Variants in WDR19 observed in about 807,000 individuals in gnomAD.
The protein encoded by WDR19 is WD repeat domain 19, also known as WD repeat-containing protein 19.
A neutral mutation model predicts 180.0 loss-of-function variants in WDR19; 121 were observed. The observed-to-expected ratio is 0.67, with a 90% confidence interval of 0.58 to 0.78. WDR19 has a LOEUF of 0.78. Among genes scored for constraint, WDR19 ranks in the 30% least tolerant of loss-of-function variants. The pLI is 0.00. For missense variants in WDR19, 1,450 were observed against 1,640.7 expected (o/e 0.88, Z 2.01); for synonymous variants, 497 against 540.7 (o/e 0.92, Z 1.12).
rs1285295829 is a variant in WDR19, at chr4:39,285,526, C to CTGT, written c.*55_*57dup. 1 of 152,338 alleles carries CTGT rather than the reference C, an allele frequency of 6.6e-6. No homozygotes were observed. The highest frequency in any genetic ancestry group is 2.4e-5 in the African/African-American group (1 of 41,584). 9.4% of individuals were successfully genotyped at this position (152,338 alleles called of 1,614,324 possible). On this transcript the variant is annotated 3_prime_UTR_variant, in exon 37 of 37. Coordinates refer to ENST00000399820, the MANE Select transcript of WDR19 (RefSeq NM_025132.4). ...AGAAGACAGCATTTTCCACAGGAGG[C>CTGT]TGTTTCCTCCCCTGGTGGATTTAAG... is the stretch of plus-strand genomic sequence containing the variant.
chr4:39,234,677 G>A (rs1268747105), intron 19 of WDR19, 89 bp from the exon 20 acceptor site: 9 of 784,942 alleles, frequency 1.1e-5, no homozygotes, highest in South Asian at 3.0e-5. Context: ...AAAAGGTTTT[G>A]TAATTAGTTT....
chr4:39,201,510 A>G (rs963323817), intron 6 of WDR19, among the ~76,000 whole-genome samples: 7 of 152,238 alleles, frequency 4.6e-5, no homozygotes, highest in Non-Finnish European at 1.0e-4. Flanking sequence ...AGGAAAAACT[A>G]CAGCTTGTTC....
At chr4:39,194,708 A>C (rs1232219012) in intron 5 of WDR19, 49 bp downstream of exon 5, 1 of 1,403,378 alleles carries the variant, frequency 7.1e-7, no homozygotes, top group East Asian at 2.4e-5. Flanking sequence ...GCTCTACCTC[A>C]ATGTAAATTC....
At chr4:39,206,585 A>G (rs1727977122) in intron 9 of WDR19, among the ~76,000 whole-genome samples, 1 of 152,222 alleles carries the variant, frequency 6.6e-6, no homozygotes, top group African/African-American at 2.4e-5. Context: ...GGGATTGGAA[A>G]GTACTAGATT....
intron 5 of WDR19, among the ~76,000 whole-genome samples, chr4:39,196,894 G>A (rs560709880): frequency 3.3e-5 from 5 of 152,280 alleles, no homozygotes; most frequent in African/African-American, 1.2e-4. Context: ...CTGCCTTGGG[G>A]TCTACTCACT....
chr4:39,218,029 T>C lies in WDR19; in HGVS notation c.1403T>C (p.Leu468Pro). Residue 468 changes from leucine to proline, a missense_variant, in exon 14 of 37, where the codon CTT becomes CCT. Transcript: ENST00000399820. ...LDAQEERETR[L>P]FPAVDDKCRI... Reference sequence around the variant, plus strand: ...GCTCAAGAAGAACGTGAGACTCGGCTTTTCCCAGCAGTGGATGATAAGTGC... The same window carrying C: ...GCTCAAGAAGAACGTGAGACTCGGCCTTTCCCAGCAGTGGATGATAAGTGC... 1 of 1,613,920 alleles carries C rather than the reference T, an allele frequency of 6.2e-7. No homozygotes were observed. The highest frequency in any genetic ancestry group is 8.5e-7 in the Non-Finnish European group (1 of 1,179,834).
At chr4:39,220,560 ATT>A (rs142037096) in intron 14 of WDR19, among the ~76,000 whole-genome samples, 42 of 64,372 alleles carry the variant, frequency 6.5e-4, no homozygotes, top group African/African-American at 3.1e-3. Context: ...GACCTCCTTG[ATT>A]TTTTTTTTTT....
At chr4:39,231,631 G>A (rs1441611428) in intron 17 of WDR19, among the ~76,000 whole-genome samples, 166 bp from the exon 18 acceptor site, 1 of 152,192 alleles carries the variant, frequency 6.6e-6, no homozygotes, top group African/African-American at 2.4e-5. Flanking sequence ...GTAAAAAAAG[G>A]AAGAAAGCTT....
At chr4:39,230,144 C>A (rs1321366873) in intron 17 of WDR19, among the ~76,000 whole-genome samples, 2 of 152,168 alleles carry the variant, frequency 1.3e-5, no homozygotes, top group African/African-American at 4.8e-5. Context: ...AAATCCATTC[C>A]TGGGGGACCT....
chr4:39,251,621 G>A (rs1241157464), intron 24 of WDR19, among the ~76,000 whole-genome samples: 1 of 152,036 alleles, frequency 6.6e-6, no homozygotes. Context: ...ATCTGACAAA[G>A]GGCTAATATC....
At chr4:39,258,951 C>T (rs1409094156) in intron 28 of WDR19, among the ~76,000 whole-genome samples, 2 of 152,150 alleles carry the variant, frequency 1.3e-5, no homozygotes, top group African/African-American at 4.8e-5. Flanking sequence ...ACCTGTAATC[C>T]CAGGTACTTC....
chr4:39,214,706 C>T (rs913702434), intron 10 of WDR19, 35 bp downstream of exon 10: 6 of 1,313,380 alleles, frequency 4.6e-6, no homozygotes, highest in Non-Finnish European at 6.6e-6. Context: ...GACATTTTAT[C>T]ATTCCAGTTA....
intron 20 of WDR19, 98 bp downstream of exon 20, chr4:39,234,973 A>C (rs546759402): frequency 1.4e-6 from 1 of 702,854 alleles, no homozygotes; most frequent in African/African-American, 1.8e-5. Context: ...CATTGATTTA[A>C]TAATTTTTTT....
At chr4:39,196,761 A>G (rs1358015261) in intron 5 of WDR19, among the ~76,000 whole-genome samples, 1 of 152,236 alleles carries the variant, frequency 6.6e-6, no homozygotes, top group South Asian at 2.1e-4. Context: ...TAAAATGGCC[A>G]GAACAAATTT....
intron 24 of WDR19, among the ~76,000 whole-genome samples, chr4:39,249,177 A>G (rs1366311147): frequency 6.6e-6 from 1 of 151,782 alleles, no homozygotes; most frequent in East Asian, 1.9e-4. Context: ...ACTAGAACTC[A>G]GGATTAAGAA....
At chr4:39,220,863 C>T (rs1422919773) in intron 14 of WDR19, among the ~76,000 whole-genome samples, 1 of 130,458 alleles carries the variant, frequency 7.7e-6, no homozygotes, top group African/African-American at 2.8e-5. Context: ...TAGAAACCTG[C>T]TAATTAATTT....
rs777646123 is a variant in WDR19, at chr4:39,199,583, C to T, written c.512C>T (p.Thr171Met). ...MITVSNQEGD[T>M]IRQTQVRSEP... The stretch of plus-strand genomic sequence containing the variant: ...ACAGTTAGTAATCAGGAAGGTGACA[C>T]GATAAGACAGGTAATACAGTAACGT... Residue 171 changes from threonine to methionine, a missense_variant, in exon 6 of 37, where the codon ACG (threonine) becomes ATG (methionine). Thr to Met is a moderately conservative substitution (Grantham distance 81). Transcript: ENST00000399820. The T allele has an allele frequency of 2.4e-5, 39 of 1,612,034 alleles. No homozygotes were observed. The highest frequency in any genetic ancestry group is 1.3e-4 in the Admixed American group (8 of 59,958).
At chr4:39,257,591 A>G (rs1214046713) in intron 28 of WDR19, 37 bp downstream of exon 28, 6 of 1,537,240 alleles carry the variant, frequency 3.9e-6, no homozygotes, top group East Asian at 2.4e-5. Context: ...AATAATGCCA[A>G]TTTTTTAAAA....
At chr4:39,198,388 C>A (rs1427424555) in intron 5 of WDR19, among the ~76,000 whole-genome samples, 2 of 149,790 alleles carry the variant, frequency 1.3e-5, no homozygotes, top group Non-Finnish European at 3.0e-5. Flanking sequence ...GAAACCCCAT[C>A]TCTACTAAAA....
Sources: gnomAD v4.1 joint callset for allele counts (sites outside exome capture counted in the v4.1 genomes callset) on GRCh38, gnomAD v4.1.1 for gene constraint, MANE v1.5 for transcripts, NCBI Gene and HGNC (gene_info 2026-07-23, HGNC 2026-07-21) for gene names.